The following RNF182 variants were observed in gnomAD, a reference collection of about 807,000 sequenced individuals.
RNF182 encodes the protein ring finger protein 182, also known as E3 ubiquitin-protein ligase RNF182.
Under a neutral mutation model 14.4 loss-of-function variants are expected in RNF182, and 15 were observed. That is an observed-to-expected ratio of 1.04 (90% CI 0.70 to 1.60). The LOEUF (loss-of-function observed/expected upper bound fraction) is 1.60, where lower values mean the gene tolerates loss of function less well. Among genes scored for constraint, RNF182 ranks in the 40% most tolerant of loss-of-function variants. The pLI is 0.00. For missense variants in RNF182, 268 were observed against 294.8 expected (o/e 0.91, Z 0.67); for synonymous variants, 128 against 122.9 (o/e 1.04, Z -0.27).
chr6:13,941,646 A>G (rs1353214343), intron 1 of RNF182, among the ~76,000 whole-genome samples: 3 of 152,034 alleles, frequency 2.0e-5, no homozygotes, highest in African/African-American at 7.2e-5. Context: ...TAATAAAGAA[A>G]TTTTAATTCA....
At chr6:13,933,374 G>A (rs1468853771) in intron 1 of RNF182, among the ~76,000 whole-genome samples, 4 of 151,942 alleles carry the variant, frequency 2.6e-5, no homozygotes, top group Non-Finnish European at 4.4e-5. Context: ...AAATTAGCTG[G>A]GCATGGTGGT....
intron 1 of RNF182, among the ~76,000 whole-genome samples, chr6:13,952,414 A>G (rs1035160312): frequency 6.6e-6 from 1 of 152,108 alleles, no homozygotes; most frequent in Non-Finnish European, 1.5e-5. Flanking sequence ...AACATCCCAT[A>G]GTGTCAAATC....
chr6:13,959,452 A>T (rs1232285064), intron 1 of RNF182, among the ~76,000 whole-genome samples: 1 of 152,228 alleles, frequency 6.6e-6, no homozygotes, highest in Non-Finnish European at 1.5e-5. Context: ...AATCCCATTT[A>T]CATTTTTAGA....
intron 1 of RNF182, among the ~76,000 whole-genome samples, chr6:13,967,650 G>T (rs570398596): frequency 6.6e-6 from 1 of 151,954 alleles, no homozygotes; most frequent in Admixed American, 6.6e-5. Context: ...TCATAATCCC[G>T]TACTATTAGA....
At chr6:13,948,774 G>T (rs62385920) in intron 1 of RNF182, among the ~76,000 whole-genome samples, 1 of 152,102 alleles carries the variant, frequency 6.6e-6, no homozygotes, top group African/African-American at 2.4e-5. Flanking sequence ...ACAACTTAAA[G>T]ATTTTAAAAA....
In RNF182 at chr6:13,977,527, G is replaced by A. The variant is rs781214947; in HGVS notation, c.408G>A (p.Val136=). 6.2e-7 allele frequency: 1 copy of A among 1,614,176 alleles called. No homozygotes were observed. Among genetic ancestry groups the A allele is most frequent in the South Asian group, 1.1e-5 (1 of 91,076 alleles). The change falls in exon 3 of 3, where the codon GTG becomes GTA. Residue 136 remains valine (V), a synonymous_variant. Coordinates refer to ENST00000488300, the MANE Select transcript of RNF182 (RefSeq NM_152737.4). Reference sequence around the variant, plus strand: ...GCCTGGTCATAACCATCATGGAGGTGCAGAGAGAGAGCTCCCCGTCCCTGA... The same window carrying A: ...GCCTGGTCATAACCATCATGGAGGTACAGAGAGAGAGCTCCCCGTCCCTGA... The part of the protein sequence containing the change: ...SNCLVITIME[V]QRESSPSLSS...
intron 1 of RNF182, among the ~76,000 whole-genome samples, chr6:13,937,424 CT>C (rs1483475345): frequency 6.6e-6 from 1 of 152,172 alleles, no homozygotes; most frequent in East Asian, 1.9e-4. Flanking sequence ...GCAGTGTGTA[CT>C]TTATGTGTGT....
chr6:13,955,769 G>A (rs1414554057), intron 1 of RNF182, among the ~76,000 whole-genome samples: 2 of 152,012 alleles, frequency 1.3e-5, no homozygotes, highest in African/African-American at 4.8e-5. Flanking sequence ...AGTTTTATTA[G>A]GCCAGGTACA....
Position 13,976,937 on chromosome 6 carries a change from G to A in RNF182, c.-183G>A, listed in dbSNP as rs1038963129. 8 of 648,488 alleles carry A rather than the reference G, an allele frequency of 1.2e-5. No homozygotes were observed. The highest frequency in any genetic ancestry group is 3.4e-4 in the Middle Eastern group (1 of 2,916). 40.2% of individuals were successfully genotyped at this position (648,488 alleles called of 1,614,324 possible). A position where few individuals can be genotyped will look rare whatever the true frequency, so the allele number is the denominator to read the frequency against. On this transcript the variant is annotated 5_prime_UTR_variant, in exon 3 of 3. Transcript: ENST00000488300. ...CTTCATGTGGCCTTTATAAATATGC[G>A]TTTGAGACAGAGTTATATGCAGAAG...
chr6:13,963,026 A>C (rs145778018), intron 1 of RNF182, among the ~76,000 whole-genome samples: 9 of 152,260 alleles, frequency 5.9e-5, no homozygotes, highest in African/African-American at 2.2e-4. Flanking sequence ...CTGACTTCTT[A>C]TGTAATCTTA....
rs568429746 is a variant in RNF182 at position 13,958,074 on chromosome 6, T to TA, written c.-366-16135dup. 3.0e-3 allele frequency among the ~76,000 whole-genome samples: 459 copies of TA among 152,318 alleles called. 1 individual carries two copies. The highest frequency in any genetic ancestry group is 0.011 in the African/African-American group (442 of 41,562). ...TCTTTTATGTTTTTTTTAATGTTTA[T>TA]AGATTTCTTGGGAAGTTCATCTGAT... On this transcript the variant is annotated intron_variant, in intron 1 of 2. Coordinates refer to ENST00000488300, the MANE Select transcript of RNF182 (RefSeq NM_152737.4).
chr6:13,930,660 C>T (rs932367960), intron 1 of RNF182, among the ~76,000 whole-genome samples: 1 of 152,182 alleles, frequency 6.6e-6, no homozygotes, highest in African/African-American at 2.4e-5. Context: ...AAATAAGAGA[C>T]AGGTGTTCAT....
intron 1 of RNF182, among the ~76,000 whole-genome samples, chr6:13,950,553 G>T (rs913766019): frequency 7.0e-5 from 10 of 142,802 alleles, no homozygotes; most frequent in African/African-American, 2.6e-4. Flanking sequence ...GTTGGAGTGT[G>T]ATAACACAAT....
intron 1 of RNF182, among the ~76,000 whole-genome samples, chr6:13,949,848 A>G (rs925173139): frequency 1.3e-5 from 2 of 152,176 alleles, no homozygotes; most frequent in African/African-American, 4.8e-5. Context: ...AGAGTAGATC[A>G]GTGCTCTAAG....
chr6:13,937,258 T>A (rs1759135895), intron 1 of RNF182, among the ~76,000 whole-genome samples: 1 of 152,246 alleles, frequency 6.6e-6, no homozygotes, highest in Admixed American at 6.5e-5. Flanking sequence ...CCTGTGTAAC[T>A]ACTACTCACA....
At chr6:13,967,077 A>G (rs1033292948) in intron 1 of RNF182, among the ~76,000 whole-genome samples, 3 of 152,016 alleles carry the variant, frequency 2.0e-5, no homozygotes, top group African/African-American at 7.3e-5. Context: ...GGCTCAAGTG[A>G]TCCACCTATC....
intron 1 of RNF182, among the ~76,000 whole-genome samples, chr6:13,933,582 C>A (rs1310721971): frequency 1.3e-5 from 2 of 151,888 alleles, no homozygotes; most frequent in Non-Finnish European, 2.9e-5. Context: ...CCTAATATAT[C>A]AAAATTACCA....
At chr6:13,949,479 G>A (rs560904570) in intron 1 of RNF182, 17 of 598,914 alleles carry the variant, frequency 2.8e-5, no homozygotes, top group Middle Eastern at 2.9e-4. Flanking sequence ...AGAAAGGCTG[G>A]TTATAAGAAA....
intron 1 of RNF182, among the ~76,000 whole-genome samples, chr6:13,932,642 A>G (rs1376026383): frequency 6.6e-6 from 1 of 152,216 alleles, no homozygotes; most frequent in Non-Finnish European, 1.5e-5. Flanking sequence ...TTGTATAGAC[A>G]TAGTCAAATA....
Sources: allele counts gnomAD v4.1 joint callset (sites outside exome capture counted in the v4.1 genomes callset), GRCh38; gene constraint gnomAD v4.1.1; transcripts MANE v1.5; gene names NCBI Gene and HGNC (gene_info 2026-07-23, HGNC 2026-07-21).